Variants in CPQ observed in about 807,000 individuals in gnomAD.
CPQ encodes the protein carboxypeptidase Q, also known as Ser-Met dipeptidase.
Under a neutral mutation model 45.7 loss-of-function variants are expected in CPQ, and 37 were observed. The observed-to-expected ratio is 0.81, with a 90% CI of 0.62 to 1.07. CPQ has a LOEUF of 1.07. Ranked by LOEUF, CPQ falls within the 50% of genes least tolerant of loss-of-function variation. The probability of loss-of-function intolerance (pLI) is 0.00; values close to 1 mark genes in which losing one functional copy is unlikely to be tolerated. For missense variants in CPQ, 537 were observed against 572.9 expected (o/e 0.94, Z 0.64); for synonymous variants, 186 against 205.8 (o/e 0.90, Z 0.82).
At chr8:96,971,802 A>G (rs1813683950) in intron 5 of CPQ, among the ~76,000 whole-genome samples, 2 of 152,182 alleles carry the variant, frequency 1.3e-5, no homozygotes, top group African/African-American at 4.8e-5. Context: ...TTATAATTGC[A>G]CTTATCGATG....
intron 4 of CPQ, among the ~76,000 whole-genome samples, chr8:96,929,653 T>G (rs1812945299): frequency 6.6e-6 from 1 of 152,244 alleles, no homozygotes. Flanking sequence ...TAATTTTTTC[T>G]ATGTCTATCT....
intron 5 of CPQ, among the ~76,000 whole-genome samples, chr8:96,990,403 A>G (rs1383822428): frequency 6.6e-6 from 1 of 152,166 alleles, no homozygotes; most frequent in Non-Finnish European, 1.5e-5. Flanking sequence ...TGTGAATAAT[A>G]ACACCTGCTC....
At chr8:96,977,302 C>T (rs907525129) in intron 5 of CPQ, among the ~76,000 whole-genome samples, 6 of 147,630 alleles carry the variant, frequency 4.1e-5, no homozygotes, top group African/African-American at 1.5e-4. Flanking sequence ...TACCACCTCA[C>T]ACCTGCAAGA....
chr8:96,754,664 G>C (rs1181930262), intron 1 of CPQ, among the ~76,000 whole-genome samples: 1 of 151,900 alleles, frequency 6.6e-6, no homozygotes, highest in East Asian at 1.9e-4. Flanking sequence ...TCTAGAAAAT[G>C]GTTCACTTTA....
intron 2 of CPQ, among the ~76,000 whole-genome samples, chr8:96,786,310 G>A (rs1810767960): frequency 6.6e-6 from 1 of 151,978 alleles, no homozygotes; most frequent in Non-Finnish European, 1.5e-5. Context: ...TTTTCATGTA[G>A]CATACTGTTT....
chr8:96,992,871 C>A (rs1324758246), intron 5 of CPQ, among the ~76,000 whole-genome samples: 2 of 152,118 alleles, frequency 1.3e-5, no homozygotes, highest in African/African-American at 4.8e-5. Context: ...GCTTGTTGTA[C>A]CCATATTTTC....
At chr8:96,970,009 T>A (rs891384055) in intron 5 of CPQ, among the ~76,000 whole-genome samples, 1 of 152,182 alleles carries the variant, frequency 6.6e-6, no homozygotes, top group East Asian at 1.9e-4. Flanking sequence ...AGGGCTTTGA[T>A]GCAAGTTCCA....
rs545369004 is a variant in CPQ, at chr8:97,093,345, A to G, written c.1255+27135A>G. ...TACTCAGAGGAACATAAATTGTTCTACCATAAAGACACATGCTCACATATT... is the reference window on the plus strand; with the variant it reads ...TACTCAGAGGAACATAAATTGTTCTGCCATAAAGACACATGCTCACATATT... On this transcript the variant is annotated intron_variant, in intron 7 of 7. Coordinates refer to ENST00000220763, the MANE Select transcript of CPQ (RefSeq NM_016134.4). Among the ~76,000 whole-genome samples, 41 of 152,332 alleles carry G rather than the reference A, an allele frequency of 2.7e-4. 1 individual carries two copies. The South Asian group carries it at 8.3e-3, about 31-fold the overall frequency.
At chr8:96,647,062 A>AT (rs1344216653) in intron 1 of CPQ, among the ~76,000 whole-genome samples, 3 of 152,080 alleles carry the variant, frequency 2.0e-5, no homozygotes, top group Non-Finnish European at 4.4e-5. Flanking sequence ...CTGCATCACT[A>AT]TTTCTTCGCA....
intron 4 of CPQ, among the ~76,000 whole-genome samples, chr8:96,965,124 T>C (rs1813533317): frequency 6.6e-6 from 1 of 152,144 alleles, no homozygotes; most frequent in African/African-American, 2.4e-5. Context: ...TTCAATTGGA[T>C]CTAGTTTTGA....
chr8:96,927,009 G>T (rs1368672562), intron 4 of CPQ, among the ~76,000 whole-genome samples: 1 of 152,232 alleles, frequency 6.6e-6, no homozygotes, highest in Non-Finnish European at 1.5e-5. Context: ...AAGAGAAAAT[G>T]GGCGTAAGCT....
At chr8:97,048,332 T>C (rs1205875674) in intron 6 of CPQ, among the ~76,000 whole-genome samples, 1 of 152,218 alleles carries the variant, frequency 6.6e-6, no homozygotes, top group Non-Finnish European at 1.5e-5. Flanking sequence ...TTAATCCCAG[T>C]TGCCTTAGTA....
At chr8:96,790,095 C>T (rs1019723647) in intron 2 of CPQ, among the ~76,000 whole-genome samples, 2 of 152,144 alleles carry the variant, frequency 1.3e-5, no homozygotes, top group African/African-American at 4.8e-5. Context: ...CTTCACCAAG[C>T]TCTCCATTAT....
chr8:96,913,816 T>G (rs1812698114), intron 4 of CPQ, among the ~76,000 whole-genome samples: 1 of 152,258 alleles, frequency 6.6e-6, no homozygotes, highest in African/African-American at 2.4e-5. Context: ...TATTTATTTC[T>G]TAGCCATTGC....
At chr8:97,011,743 A>G (rs1193799440) in intron 5 of CPQ, among the ~76,000 whole-genome samples, 1 of 152,194 alleles carries the variant, frequency 6.6e-6, no homozygotes, top group Non-Finnish European at 1.5e-5. Context: ...TATATGAGCT[A>G]TTATCTAAAA....
At chr8:97,038,992 C>A (rs1810058467) in intron 6 of CPQ, among the ~76,000 whole-genome samples, 1 of 152,162 alleles carries the variant, frequency 6.6e-6, no homozygotes, top group Admixed American at 6.5e-5. Flanking sequence ...TAGTGGAATT[C>A]TAACGTTTAG....
chr8:97,076,028 T>C (rs927380897), intron 7 of CPQ, among the ~76,000 whole-genome samples: 4 of 152,044 alleles, frequency 2.6e-5, no homozygotes, highest in African/African-American at 4.8e-5. Context: ...GTTTGTTTGT[T>C]TGTTTTTTGT....
intron 3 of CPQ, among the ~76,000 whole-genome samples, chr8:96,843,503 C>T (rs1056399154): frequency 6.6e-6 from 1 of 152,166 alleles, no homozygotes; most frequent in Non-Finnish European, 1.5e-5. Flanking sequence ...GAGACAAACC[C>T]TATGCCATTT....
intron 3 of CPQ, among the ~76,000 whole-genome samples, chr8:96,860,171 G>T (rs141123658): frequency 6.6e-6 from 1 of 152,100 alleles, no homozygotes; most frequent in African/African-American, 2.4e-5. Flanking sequence ...GTGCTCTCCT[G>T]TGGGTACATT....
Sources: allele counts gnomAD v4.1 joint callset (sites outside exome capture counted in the v4.1 genomes callset), GRCh38; gene constraint gnomAD v4.1.1; transcripts MANE v1.5; gene names NCBI Gene and HGNC (gene_info 2026-07-23, HGNC 2026-07-21).